The following RPH3AL variants were observed in gnomAD, a reference collection of about 807,000 sequenced individuals.
RPH3AL encodes rab effector Noc2.
Under a neutral mutation model 43.1 loss-of-function variants are expected in RPH3AL, and 38 were observed. That is an observed-to-expected ratio of 0.88 (90% CI 0.68 to 1.15). The LOEUF is 1.15. Among genes scored for constraint, RPH3AL ranks in the 50% most tolerant of loss-of-function variants. The probability of loss-of-function intolerance (pLI) is 0.00; values close to 1 mark genes in which losing one functional copy is unlikely to be tolerated. For missense variants in RPH3AL, 462 were observed against 423.2 expected (o/e 1.09, Z -0.81); for synonymous variants, 189 against 176.3 (o/e 1.07, Z -0.57).
At chr17:316,459 C>A (rs74199515) in intron 5 of RPH3AL, among the ~76,000 whole-genome samples, 1 of 126,080 alleles carries the variant, frequency 7.9e-6, no homozygotes, top group African/African-American at 3.3e-5. Context: ...TCCACCTCCA[C>A]TGACCTGTAG....
At chr17:316,325 G>A (rs1255102628) in intron 5 of RPH3AL, among the ~76,000 whole-genome samples, 2 of 126,452 alleles carry the variant, frequency 1.6e-5, no homozygotes, top group South Asian at 2.8e-4. Context: ...TAGTCCCTGT[G>A]CTCCACCTCC....
At position 327,502 on chromosome 17, in the gene RPH3AL, A is replaced by T. The variant is rs375359286; in HGVS notation, c.42T>A (p.Val14=). The change falls in exon 3 of 10, where the codon GTT becomes GTA. Residue 14 remains valine, a synonymous_variant. Transcript: ENST00000331302. ...GGGCAAGCTGCCGGTCATTGGGGCA[A>T]ACCCACTGATCATTCCCGCTGCCGA... ...TIFGSGNDQW[V]CPNDRQLALR... 104 of 1,613,862 alleles carry T rather than the reference A, an allele frequency of 6.4e-5. No homozygotes were observed. Among genetic ancestry groups the T allele is most frequent in the Non-Finnish European group, 8.6e-5 (102 of 1,179,978 alleles).
At chr17:275,721 A>C (rs183431659) in intron 6 of RPH3AL, among the ~76,000 whole-genome samples, 1 of 151,978 alleles carries the variant, frequency 6.6e-6, no homozygotes, top group Non-Finnish European at 1.5e-5. Flanking sequence ...TAATGTGGGG[A>C]TTTTTTGTAG....
chr17:221,735 C>A (rs2040984361), intron 7 of RPH3AL, among the ~76,000 whole-genome samples: 1 of 136,994 alleles, frequency 7.3e-6, no homozygotes, highest in Admixed American at 7.0e-5. Flanking sequence ...GGCCTCCACT[C>A]ACTGAGACAA....
chr17:316,683 CCT>C (rs1362333783), intron 5 of RPH3AL, among the ~76,000 whole-genome samples: 2 of 138,496 alleles, frequency 1.4e-5, no homozygotes, highest in Non-Finnish European at 3.1e-5. Flanking sequence ...ACCTGCAGTC[CCT>C]GTGCCCCACC....
chr17:283,428 C>T lies in RPH3AL; in HGVS notation c.352-1574G>A, dbSNP rs187325851. The stretch of plus-strand genomic sequence containing the variant: ...TTTGCTACCATCCAATGCTCAGGTA[C>T]GAGAAATGTCACCTTTTATTTATCC... On this transcript the variant is annotated intron_variant, in intron 5 of 9. Coordinates refer to ENST00000331302, the MANE Select transcript of RPH3AL (RefSeq NM_006987.4). This position sits in a 1 kb window ranked among gnomAD's most constrained non-coding sequence, Gnocchi z 4.2. Among the ~76,000 whole-genome samples the T allele has an allele frequency of 1.3e-3, 205 of 152,246 alleles. No individual in the cohort carries two copies. The highest frequency in any genetic ancestry group is 4.6e-3 in the African/African-American group (192 of 41,544).
At chr17:307,508 A>G (rs1165793564) in intron 5 of RPH3AL, among the ~76,000 whole-genome samples, 1 of 152,170 alleles carries the variant, frequency 6.6e-6, no homozygotes, top group Non-Finnish European at 1.5e-5. Context: ...ACTGCACTGC[A>G]ATAGCTGACA....
At chr17:220,483 C>A (rs2040942184) in intron 7 of RPH3AL, among the ~76,000 whole-genome samples, 1 of 102,072 alleles carries the variant, frequency 9.8e-6, no homozygotes, top group Admixed American at 9.0e-5. Flanking sequence ...CTCACTGAGA[C>A]AATAGACCCA....
rs1440904779 is a variant in RPH3AL at position 219,720 on chromosome 17, A to C, written c.630T>G (p.Ser210Arg). ...WARGRVVSSD[S>R]DSDSDLSSSS... is the part of the protein sequence containing the mutation. ...AGGAGCTAAGATCCGAGTCACTGTC[A>C]CTGTCACTGGAAACCACTGGAAGAG... Residue 210 changes from serine (S) to arginine (R), a missense_variant, in exon 8 of 10, where the codon AGT becomes AGG. Physicochemically the swap from Ser to Arg is moderately radical, Grantham distance 110. Coordinates refer to ENST00000331302, the MANE Select transcript of RPH3AL (RefSeq NM_006987.4). 6.2e-7 allele frequency: 1 copy of C among 1,612,854 alleles called. No homozygotes were observed. The highest frequency in any genetic ancestry group is 1.3e-5 in the African/African-American group (1 of 74,750).
chr17:296,637 G>T (rs11867532), intron 5 of RPH3AL, among the ~76,000 whole-genome samples: 1 of 152,046 alleles, frequency 6.6e-6, no homozygotes, highest in African/African-American at 2.4e-5. Context: ...GGCCACCACC[G>T]GTTGCACCTT....
At chr17:235,769 C>T (rs1445280336) in intron 7 of RPH3AL, among the ~76,000 whole-genome samples, 1 of 139,974 alleles carries the variant, frequency 7.1e-6, no homozygotes, top group African/African-American at 2.6e-5. Flanking sequence ...AAGCTGGGGT[C>T]GGCGGAGGCT....
At chr17:259,301 C>T (rs189187552) in intron 6 of RPH3AL, among the ~76,000 whole-genome samples, 14 of 152,324 alleles carry the variant, frequency 9.2e-5, no homozygotes, top group Admixed American at 7.2e-4. Context: ...GCATAAAACA[C>T]ACTGTCAGTA....
chr17:335,455 G>C (rs2044927841), intron 1 of RPH3AL, among the ~76,000 whole-genome samples: 1 of 152,102 alleles, frequency 6.6e-6, no homozygotes, highest in African/African-American at 2.4e-5. Flanking sequence ...ACGATGCTTA[G>C]AATGAAATGC....
At chr17:292,807 GC>G (rs1476279723) in intron 5 of RPH3AL, among the ~76,000 whole-genome samples, 1 of 152,128 alleles carries the variant, frequency 6.6e-6, no homozygotes, top group Non-Finnish European at 1.5e-5. Context: ...TTAGGACACA[GC>G]CCGGGGGCCA....
chr17:277,281 C>A lies in RPH3AL; in HGVS notation c.438+4487G>T, dbSNP rs920671113. On this transcript the variant is annotated intron_variant, in intron 6 of 9. Transcript: ENST00000331302. The stretch of plus-strand genomic sequence containing the variant: ...TTCAATAATATAAAGAAAAAAGACA[C>A]AGAAAAATGGTTGGAATATACTAAA... Among the ~76,000 whole-genome samples, 3 of 152,098 alleles carry A rather than the reference C, an allele frequency of 2.0e-5. No individual in the cohort carries two copies. The East Asian group carries it at 5.8e-4, about 29-fold the overall frequency.
At chr17:237,134 C>T (rs112029475) in intron 7 of RPH3AL, among the ~76,000 whole-genome samples, 13,631 of 152,256 alleles carry the variant, frequency 0.09, 759 homozygotes, top group Admixed American at 0.12. Flanking sequence ...TGGGGAAGGG[C>T]GGCCCCGGCA....
At chr17:253,363 C>T (rs566016362) in intron 6 of RPH3AL, among the ~76,000 whole-genome samples, 1 of 152,124 alleles carries the variant, frequency 6.6e-6, no homozygotes, top group Admixed American at 6.5e-5. Context: ...GACTAAGACA[C>T]CCCACAGAGC....
In RPH3AL at chr17:246,623, C is replaced by A. The variant is rs1555540110; in HGVS notation, c.613+488G>T. Among the ~76,000 whole-genome samples the A allele has an allele frequency of 6.6e-6, 1 of 152,168 alleles. No individual in the cohort carries two copies. The highest frequency in any genetic ancestry group is 2.4e-5 in the African/African-American group (1 of 41,438). On this transcript the variant is annotated intron_variant, in intron 7 of 9. Transcript: ENST00000331302. This position sits in a 1 kb window ranked among gnomAD's most constrained non-coding sequence, Gnocchi z 4.8. Reference sequence around the variant, plus strand: ...GGGCGGCCACCTGAGACACACACACCTTACTGTAGCCACCAGAACGCCCAG... The same window carrying A: ...GGGCGGCCACCTGAGACACACACACATTACTGTAGCCACCAGAACGCCCAG...
At position 247,293 on chromosome 17, in the gene RPH3AL, G is replaced by T. The variant is rs778513854; in HGVS notation, c.439-8C>A. 2.6e-6 allele frequency: 4 copies of T among 1,560,840 alleles called. No individual in the cohort carries two copies. The Admixed American group carries it at 7.3e-5, about 29-fold the overall frequency. ...CCCCGACCTCTTCCAGACCTGAGTG[G>T]GGGAAGAGAGCTGCTTGGGGCACAG... is the stretch of plus-strand genomic sequence containing the variant. On this transcript the variant is annotated splice_polypyrimidine_tract_variant and splice_region_variant and intron_variant, in intron 6 of 9. Transcript: ENST00000331302.
Sources: allele counts gnomAD v4.1 joint callset (sites outside exome capture counted in the v4.1 genomes callset), GRCh38; gene constraint gnomAD v4.1.1; non-coding constraint Gnocchi (gnomAD v3.1); transcripts MANE v1.5; gene names NCBI Gene and HGNC (gene_info 2026-07-23, HGNC 2026-07-21).